The following KCNN2 variants were observed in gnomAD, a reference collection of about 807,000 sequenced individuals.
The protein encoded by KCNN2 is potassium calcium-activated channel subfamily N member 2, also known as small conductance calcium-activated potassium channel protein 2.
Under a neutral mutation model 55.5 loss-of-function variants are expected in KCNN2, and 24 were observed. The observed-to-expected ratio is 0.43, with a 90% confidence interval of 0.31 to 0.61. The LOEUF is 0.61. Ranked by LOEUF, KCNN2 falls within the 20% of genes least tolerant of loss-of-function variation. KCNN2 has a pLI of 0.08. For synonymous variants in KCNN2, 431 were observed against 336.1 expected (o/e 1.28, Z -3.09); for missense variants, 754 against 853.6 (o/e 0.88, Z 1.45).
At chr5:114,195,924 G>A (rs532916981) in intron 1 of KCNN2, among the ~76,000 whole-genome samples, 1 of 151,924 alleles carries the variant, frequency 6.6e-6, no homozygotes, top group East Asian at 1.9e-4. Context: ...ATGCCTTTTG[G>A]CTCTTATATT....
At chr5:114,416,901 CT>C (rs1205116083) in intron 3 of KCNN2, among the ~76,000 whole-genome samples, 3 of 152,046 alleles carry the variant, frequency 2.0e-5, no homozygotes, top group Non-Finnish European at 2.9e-5. Context: ...CAGAAAATAT[CT>C]TTTATATCAG....
chr5:114,491,951 A>G (rs1007148371), intron 6 of KCNN2, among the ~76,000 whole-genome samples: 1 of 152,270 alleles, frequency 6.6e-6, no homozygotes, highest in Middle Eastern at 3.4e-3. Flanking sequence ...TCTCAACAAT[A>G]TATTGGATCT....
intron 1 of KCNN2, among the ~76,000 whole-genome samples, chr5:114,128,101 G>A (rs980207670): frequency 6.6e-5 from 10 of 152,064 alleles, no homozygotes; most frequent in African/African-American, 2.4e-4. Flanking sequence ...TTGTTACCCA[G>A]TTCTAAAGTT....
chr5:114,146,277 A>G (rs1308939196), intron 1 of KCNN2, among the ~76,000 whole-genome samples: 2 of 152,184 alleles, frequency 1.3e-5, no homozygotes, highest in African/African-American at 4.8e-5. Flanking sequence ...AGGGGTAGAC[A>G]ACTCCTTATC....
intron 2 of KCNN2, among the ~76,000 whole-genome samples, chr5:114,391,935 A>G (rs1263869948): frequency 6.6e-6 from 1 of 152,042 alleles, no homozygotes; most frequent in Admixed American, 6.6e-5. Context: ...TATCACCTCT[A>G]TTTAGGGCTG....
intron 3 of KCNN2, among the ~76,000 whole-genome samples, chr5:114,432,072 G>A (rs1403733861): frequency 6.6e-6 from 1 of 152,194 alleles, no homozygotes; most frequent in Non-Finnish European, 1.5e-5. Flanking sequence ...TTCTATAAAT[G>A]TCAGCTAGAT....
chr5:114,307,679 TAGTC>T (rs1561564579), intron 2 of KCNN2, among the ~76,000 whole-genome samples: 2 of 152,312 alleles, frequency 1.3e-5, no homozygotes, highest in South Asian at 4.1e-4. Context: ...TTTCTGGAAA[TAGTC>T]AGGGGTGAGT....
intron 4 of KCNN2, among the ~76,000 whole-genome samples, chr5:114,463,451 T>G (rs564158332): frequency 4.6e-5 from 7 of 152,372 alleles, no homozygotes; most frequent in African/African-American, 1.7e-4. Context: ...AATTTGATCT[T>G]GGAGCTTTGG....
chr5:114,461,334 C>T (rs1006576800), intron 3 of KCNN2, among the ~76,000 whole-genome samples: 2 of 152,168 alleles, frequency 1.3e-5, no homozygotes, highest in African/African-American at 2.4e-5. Context: ...GGGGACTTTA[C>T]AGCTAGGTCA....
Position 114,385,134 on chromosome 5 carries a change from T to C in KCNN2, c.1219-19304T>C, listed in dbSNP as rs764973964. Among the ~76,000 whole-genome samples, 4 of 152,300 alleles carry C rather than the reference T, an allele frequency of 2.6e-5. No homozygotes were observed. The East Asian group carries it at 5.8e-4, about 22-fold the overall frequency. Reference sequence around the variant, plus strand: ...AAAATTAGTGAGTCTGAAGTGTTAATAAACTGTCAGGCCACCAATTTCTCT... The same window carrying C: ...AAAATTAGTGAGTCTGAAGTGTTAACAAACTGTCAGGCCACCAATTTCTCT... On this transcript the variant is annotated intron_variant, in intron 2 of 7. Transcript: ENST00000673685.
intron 1 of KCNN2, among the ~76,000 whole-genome samples, chr5:114,092,085 A>C (rs1751156136): frequency 6.6e-6 from 1 of 152,204 alleles, no homozygotes; most frequent in South Asian, 2.1e-4. Flanking sequence ...GAGACAAGGC[A>C]AGTCTCTTCT....
chr5:114,158,245 A>G (rs988750160), intron 1 of KCNN2, among the ~76,000 whole-genome samples: 1 of 152,178 alleles, frequency 6.6e-6, no homozygotes, highest in African/African-American at 2.4e-5. Context: ...TCCCAGCAGC[A>G]TTTGTTAAGT....
intron 1 of KCNN2, among the ~76,000 whole-genome samples, chr5:114,125,842 A>G (rs1340375593): frequency 2.6e-5 from 4 of 152,122 alleles, no homozygotes; most frequent in Non-Finnish European, 5.9e-5. Flanking sequence ...AAGTACAGCA[A>G]TCATAGTGGA....
intron 3 of KCNN2, among the ~76,000 whole-genome samples, chr5:114,405,785 A>T (rs1304773689): frequency 6.6e-6 from 1 of 150,830 alleles, no homozygotes; most frequent in East Asian, 2.0e-4. Context: ...ATCTCGGCTC[A>T]CTGCAAGCTC....
intron 1 of KCNN2, among the ~76,000 whole-genome samples, chr5:114,107,595 C>T (rs79537856): frequency 0.046 from 6,990 of 151,696 alleles, 533 homozygotes; most frequent in African/African-American, 0.16. Context: ...AGACGAAGGT[C>T]TGTGTTGCCA....
chr5:114,355,257 G>T (rs1456551813), intron 2 of KCNN2, among the ~76,000 whole-genome samples: 1 of 152,138 alleles, frequency 6.6e-6, no homozygotes, highest in Non-Finnish European at 1.5e-5. Context: ...TAGTAATAGG[G>T]AGTTCATGAA....
intron 3 of KCNN2, among the ~76,000 whole-genome samples, chr5:114,454,215 A>G (rs760683318): frequency 2.0e-5 from 3 of 152,160 alleles, no homozygotes; most frequent in Non-Finnish European, 4.4e-5. Flanking sequence ...TAATTTACAT[A>G]GTTCAGGAGT....
At chr5:114,210,254 C>A (rs1308992533) in intron 1 of KCNN2, among the ~76,000 whole-genome samples, 1 of 152,120 alleles carries the variant, frequency 6.6e-6, no homozygotes, top group African/African-American at 2.4e-5. Context: ...AGTTCTAGTG[C>A]TATTTTCTTG....
intron 2 of KCNN2, among the ~76,000 whole-genome samples, chr5:114,328,930 T>A (rs1756758079): frequency 6.6e-6 from 1 of 152,212 alleles, no homozygotes. Flanking sequence ...AGTGTGTATT[T>A]CTGCTTTCTA....
Sources: allele counts gnomAD v4.1 joint callset (sites outside exome capture counted in the v4.1 genomes callset), GRCh38; gene constraint gnomAD v4.1.1; transcripts MANE v1.5; gene names NCBI Gene and HGNC (gene_info 2026-07-23, HGNC 2026-07-21).